Variants in ELOVL6 observed in about 807,000 individuals in gnomAD.
The protein encoded by ELOVL6 is ELOVL fatty acid elongase 6.
ELOVL6 carries 8 observed loss-of-function variants against 31.7 expected under a neutral mutation model. The observed-to-expected ratio is 0.25, with a 90% CI of 0.15 to 0.45. ELOVL6 has a LOEUF of 0.45. ELOVL6 is among the 20% of genes least tolerant of loss of function. The pLI is 1.00. For missense variants in ELOVL6, 126 were observed against 326.4 expected (o/e 0.39, Z 4.73); for synonymous variants, 101 against 117.7 (o/e 0.86, Z 0.92).
chr4:110,151,295 A>C (rs188484702), intron 1 of ELOVL6, among the ~76,000 whole-genome samples: 62 of 152,040 alleles, frequency 4.1e-4, no homozygotes, highest in Non-Finnish European at 7.9e-4. Context: ...GTCTAAACAC[A>C]AAATTGATTG....
At chr4:110,113,478 G>C (rs1757093851) in intron 1 of ELOVL6, among the ~76,000 whole-genome samples, 1 of 151,958 alleles carries the variant, frequency 6.6e-6, no homozygotes, top group Non-Finnish European at 1.5e-5. Context: ...AGCTACTTGA[G>C]AAACTAGGGT....
At chr4:110,078,496 A>G (rs1184192017) in intron 2 of ELOVL6, among the ~76,000 whole-genome samples, 1 of 152,242 alleles carries the variant, frequency 6.6e-6, no homozygotes, top group Non-Finnish European at 1.5e-5. Flanking sequence ...ACTAAGCTTC[A>G]TAAGTGAAGG....
chr4:110,177,013 C>T (rs986683063), intron 1 of ELOVL6, among the ~76,000 whole-genome samples: 2 of 152,342 alleles, frequency 1.3e-5, no homozygotes, highest in Non-Finnish European at 2.9e-5. Flanking sequence ...AGATTACAGG[C>T]GTGAGCCACC....
At chr4:110,080,337 C>T (rs984318003) in intron 2 of ELOVL6, among the ~76,000 whole-genome samples, 1 of 152,188 alleles carries the variant, frequency 6.6e-6, no homozygotes, top group Admixed American at 6.5e-5. Context: ...ATGCAAAAAT[C>T]CTCAATAAAA....
At chr4:110,197,440 T>C (rs895477871) in intron 1 of ELOVL6, among the ~76,000 whole-genome samples, 1 of 152,178 alleles carries the variant, frequency 6.6e-6, no homozygotes, top group African/African-American at 2.4e-5. Flanking sequence ...CCCTAAGGAC[T>C]CTGCAGACGG....
At chr4:110,170,567 A>G (rs1444007346) in intron 1 of ELOVL6, among the ~76,000 whole-genome samples, 1 of 152,208 alleles carries the variant, frequency 6.6e-6, no homozygotes, top group Non-Finnish European at 1.5e-5. Context: ...CTCTAAACAA[A>G]TGTCCTTTTT....
chr4:110,189,871 G>A (rs1457017482), intron 1 of ELOVL6, among the ~76,000 whole-genome samples: 1 of 151,566 alleles, frequency 6.6e-6, no homozygotes, highest in Non-Finnish European at 1.5e-5. Flanking sequence ...GGAGGCTGAG[G>A]CAGGAGAATG....
At chr4:110,075,647 C>G (rs952219435) in intron 2 of ELOVL6, among the ~76,000 whole-genome samples, 5 of 152,208 alleles carry the variant, frequency 3.3e-5, no homozygotes, top group Admixed American at 1.3e-4. Flanking sequence ...GGTACAGTTT[C>G]AGTTTTATAA....
At chr4:110,123,120 G>A (rs1255834714) in intron 1 of ELOVL6, among the ~76,000 whole-genome samples, 2 of 152,204 alleles carry the variant, frequency 1.3e-5, no homozygotes, top group Middle Eastern at 3.4e-3. Context: ...TTAATAAATG[G>A]TTTATTTGAT....
At chr4:110,095,480 TAAAA>T (rs11396794) in intron 2 of ELOVL6, among the ~76,000 whole-genome samples, 4 of 129,094 alleles carry the variant, frequency 3.1e-5, no homozygotes, top group Non-Finnish European at 4.9e-5. Context: ...AAACTGTCTT[TAAAA>T]AAAAAAAAAA....
chr4:110,187,587 T>C (rs1759488223), intron 1 of ELOVL6, among the ~76,000 whole-genome samples: 1 of 150,108 alleles, frequency 6.7e-6, no homozygotes, highest in Non-Finnish European at 1.5e-5. Flanking sequence ...TCCCAACTAA[T>C]AGGGAGGCTG....
intron 1 of ELOVL6, among the ~76,000 whole-genome samples, chr4:110,197,405 G>T (rs1294167632): frequency 2.6e-5 from 4 of 152,176 alleles, no homozygotes; most frequent in African/African-American, 9.6e-5. Flanking sequence ...TGTTTTCCCT[G>T]ATTATTAGTT....
At chr4:110,157,168 T>C (rs1320778857) in intron 1 of ELOVL6, among the ~76,000 whole-genome samples, 1 of 152,218 alleles carries the variant, frequency 6.6e-6, no homozygotes, top group East Asian at 1.9e-4. Flanking sequence ...AACATTTTAT[T>C]CGCCCCTAGT....
At chr4:110,185,747 G>A (rs1233796963) in intron 1 of ELOVL6, among the ~76,000 whole-genome samples, 2 of 152,118 alleles carry the variant, frequency 1.3e-5, no homozygotes, top group Non-Finnish European at 2.9e-5. Context: ...TGTCTTTCAG[G>A]TCAATATGTA....
Position 110,088,894 on chromosome 4 carries a change from T to A in ELOVL6, c.221+16603A>T, listed in dbSNP as rs76598843. Among the ~76,000 whole-genome samples, 589 of 148,148 alleles carry A rather than the reference T, an allele frequency of 4.0e-3. 2 individuals carry two copies. The highest frequency in any genetic ancestry group is 0.013 in the African/African-American group (539 of 40,628). ...GAATGGTGCACAACTTAAAACTGTA[T>A]AAATTGTTTGTTTCTGGAATTTTCC... On this transcript the variant is annotated intron_variant, in intron 2 of 3. Coordinates refer to ENST00000302274, the MANE Select transcript of ELOVL6 (RefSeq NM_024090.3).
chr4:110,127,803 G>A (rs1487063955), intron 1 of ELOVL6, among the ~76,000 whole-genome samples: 2 of 152,046 alleles, frequency 1.3e-5, no homozygotes, highest in African/African-American at 4.8e-5. Context: ...ATTTATTAAG[G>A]GCTAACTATG....
At chr4:110,148,755 TAC>T (rs34495924) in intron 1 of ELOVL6, among the ~76,000 whole-genome samples, 74,908 of 151,868 alleles carry the variant, frequency 0.49, 18,790 homozygotes, top group East Asian at 0.65. Flanking sequence ...CATAAATATA[TAC>T]ACTTACTGTG....
At chr4:110,138,426 CAG>C (rs1301550829) in intron 1 of ELOVL6, among the ~76,000 whole-genome samples, 1 of 152,082 alleles carries the variant, frequency 6.6e-6, no homozygotes, top group Non-Finnish European at 1.5e-5. Flanking sequence ...CATTGAAAAG[CAG>C]AGAGATACAC....
chr4:110,065,992 AC>A (rs911957713), intron 2 of ELOVL6, among the ~76,000 whole-genome samples: 168 of 152,014 alleles, frequency 1.1e-3, no homozygotes, highest in African/African-American at 3.9e-3. Flanking sequence ...ACCAATCTCC[AC>A]CCTACTAACT....
Sources: gnomAD v4.1 joint callset for allele counts (sites outside exome capture counted in the v4.1 genomes callset) on GRCh38, gnomAD v4.1.1 for gene constraint, MANE v1.5 for transcripts, NCBI Gene and HGNC (gene_info 2026-07-23, HGNC 2026-07-21) for gene names.